The following IGSF10 variants were observed in gnomAD, a reference collection of about 807,000 sequenced individuals.
IGSF10 encodes the protein calvaria mechanical force protein 608.
A neutral mutation model predicts 128.2 loss-of-function variants in IGSF10; 126 were observed. That is an observed-to-expected ratio of 0.98 (90% CI 0.85 to 1.14). The LOEUF is 1.14. Among genes scored for constraint, IGSF10 ranks in the 50% most tolerant of loss-of-function variants. The probability of loss-of-function intolerance (pLI) is 0.00; values close to 1 mark genes in which losing one functional copy is unlikely to be tolerated. For missense variants in IGSF10, 3,295 were observed against 3,149.8 expected (o/e 1.05, Z -1.10); for synonymous variants, 1,185 against 1,146.2 (o/e 1.03, Z -0.68).
the IGSF10 span, among the ~76,000 whole-genome samples, chr3:151,617,320 C>CTTCTTCTTCTTCTTCT: frequency 0.022 from 1,879 of 83,596 alleles, 219 homozygotes; most frequent in East Asian, 0.05. Flanking sequence ...CTTCTTCTTC[C>CTTCTTCTTCTTCTTCT]CCTCCTCCTC....
At chr3:151,432,921 A>G (rs1719695260), downstream of IGSF10, 1 of 741,708 alleles carries the variant, frequency 1.3e-6, no homozygotes, top group Middle Eastern at 2.9e-4. Context: ...ACATTTTACT[A>G]TATTTTATGC....
At chr3:151,433,180 T>G (rs12635196), downstream of IGSF10, 112,696 of 148,070 alleles carry the variant, frequency 0.76, 40,906 homozygotes, top group Middle Eastern at 0.89. Flanking sequence ...TGACGTTGTT[T>G]TTTTTTTTTT....
chr3:151,457,136 A>G lies in IGSF10; in HGVS notation c.214T>C (p.Leu72=), dbSNP rs746281695. The G allele has an allele frequency of 6.2e-6, 10 of 1,614,052 alleles. No homozygotes were observed. Among genetic ancestry groups the G allele is most frequent in the Non-Finnish European group, 6.8e-6 (8 of 1,180,006 alleles). ...INLGYNSLVR[L]METDFSGLTK... ...AGGCCAGAAAAATCTGTTTCCATCA[A>G]TCTAACCAAGCTGTTGTATCTGAAA... Residue 72 remains leucine, a synonymous_variant, in exon 4 of 8, where the codon TTG becomes CTG. Coordinates refer to ENST00000282466, the MANE Select transcript of IGSF10 (RefSeq NM_178822.5).
At chr3:151,466,741 G>T in the IGSF10 span, among the ~76,000 whole-genome samples, 12 of 152,136 alleles carry the variant, frequency 7.9e-5, no homozygotes, top group African/African-American at 2.9e-4. Context: ...ACCATGCCCA[G>T]CTAATTTTTG....
the IGSF10 span, among the ~76,000 whole-genome samples, chr3:151,520,912 G>GC: frequency 6.6e-6 from 1 of 150,910 alleles, no homozygotes; most frequent in Non-Finnish European, 1.5e-5. Flanking sequence ...ATGGCTAAAT[G>GC]CCCCACTTAA....
the IGSF10 span, among the ~76,000 whole-genome samples, chr3:151,605,627 T>G: frequency 6.6e-6 from 1 of 152,200 alleles, no homozygotes; most frequent in Non-Finnish European, 1.5e-5. Context: ...CTTAAGTCAT[T>G]TTCCTTATTT....
rs1300890870 is a variant in IGSF10, at chr3:151,443,534, A to G, written c.5413T>C (p.Leu1805=). 1.9e-6 allele frequency: 3 copies of G among 1,614,218 alleles called. No individual in the cohort carries two copies. Among genetic ancestry groups the G allele is most frequent in the East Asian group, 2.2e-5 (1 of 44,886 alleles). The part of the protein sequence containing the change: ...RQAVVTVDGT[L]VLHNLSIYDR... Reference sequence around the variant, plus strand: ...TAAATACTGAGATTGTGGAGGACCAATGTTCCGTCAACCGTCACCACAGCC... The same window carrying G: ...TAAATACTGAGATTGTGGAGGACCAGTGTTCCGTCAACCGTCACCACAGCC... Residue 1805 remains leucine, a synonymous_variant, in exon 7 of 8, where the codon TTG becomes CTG. Transcript: ENST00000282466.
chr3:151,540,801 C>A, the IGSF10 span, among the ~76,000 whole-genome samples: 2 of 152,244 alleles, frequency 1.3e-5, no homozygotes, highest in African/African-American at 2.4e-5. Context: ...TAGTCCCCCA[C>A]GAAAATGCAC....
the IGSF10 span, among the ~76,000 whole-genome samples, chr3:151,483,366 A>G: frequency 0.017 from 2,565 of 152,310 alleles, 36 homozygotes; most frequent in Middle Eastern, 0.044. Flanking sequence ...AAAATTGCAG[A>G]TTGTAAGTAT....
At chr3:151,570,676 C>T in the IGSF10 span, among the ~76,000 whole-genome samples, 1 of 152,150 alleles carries the variant, frequency 6.6e-6, no homozygotes, top group South Asian at 2.1e-4. Context: ...TTCTCCCATT[C>T]TGTATGTTGC....
Position 151,438,270 on chromosome 3 carries a change from G to A in IGSF10, c.6291C>T (p.Thr2097=). ...DDSGHRTRRY[T]LFNNGTLYFN... ...AGTATAAAGTTCCATTGTTGAAAAGGGTATATCTCCTAGTCCTGTGGCCAC... is the reference window on the plus strand; with the variant it reads ...AGTATAAAGTTCCATTGTTGAAAAGAGTATATCTCCTAGTCCTGTGGCCAC... Residue 2097 remains threonine (T), a synonymous_variant, in exon 8 of 8, where the codon ACC becomes ACT. Coordinates refer to ENST00000282466, the MANE Select transcript of IGSF10 (RefSeq NM_178822.5). 6.2e-7 allele frequency: 1 copy of A among 1,614,100 alleles called. No individual in the cohort carries two copies. Among genetic ancestry groups the A allele is most frequent in the East Asian group, 2.2e-5 (1 of 44,878 alleles).
chr3:151,446,611 GTGT>G lies in IGSF10; in HGVS notation c.3367_3369del (p.Thr1123del), dbSNP rs1721206666. ...TCAGTCCTGAAATATTTTATTGTGG[GTGT>G]TGTTTTCTCTACACTGGGTTTGTTC... is the stretch of plus-strand genomic sequence containing the variant. On this transcript the variant is annotated inframe_deletion, in exon 6 of 8. Coordinates refer to ENST00000282466, the MANE Select transcript of IGSF10 (RefSeq NM_178822.5). The G allele has an allele frequency of 6.2e-7, 1 of 1,614,124 alleles. No individual in the cohort carries two copies. Among genetic ancestry groups the G allele is most frequent in the Non-Finnish European group, 8.5e-7 (1 of 1,180,030 alleles).
At chr3:151,467,990 C>T in the IGSF10 span, among the ~76,000 whole-genome samples, 1 of 152,150 alleles carries the variant, frequency 6.6e-6, no homozygotes, top group African/African-American at 2.4e-5. Context: ...GTCTGTCATA[C>T]AATCTTGTAA....
At chr3:151,553,632 T>TC in the IGSF10 span, among the ~76,000 whole-genome samples, 7 of 134,860 alleles carry the variant, frequency 5.2e-5, no homozygotes, top group Middle Eastern at 4.2e-3. Context: ...CTCTCTCTCT[T>TC]TCTATATATA....
the IGSF10 span, among the ~76,000 whole-genome samples, chr3:151,510,902 G>C: frequency 7.2e-5 from 11 of 152,106 alleles, no homozygotes; most frequent in Non-Finnish European, 4.4e-5. Flanking sequence ...AGCATGAAGA[G>C]AAGTTTAGAG....
intron 4 of IGSF10, among the ~76,000 whole-genome samples, chr3:151,455,644 A>T (rs940568727): frequency 1.3e-5 from 2 of 152,200 alleles, no homozygotes; most frequent in African/African-American, 4.8e-5. Context: ...AGCATGTATC[A>T]GCCCTTCATT....
intron 5 of IGSF10, among the ~76,000 whole-genome samples, chr3:151,450,303 A>G (rs902935143): frequency 1.3e-5 from 2 of 152,170 alleles, no homozygotes; most frequent in Non-Finnish European, 2.9e-5. Flanking sequence ...GCTGTTCCAT[A>G]TAGTAGCTCT....
At position 151,448,691 on chromosome 3, in the gene IGSF10, C is replaced by A. The variant is rs1260460541; in HGVS notation, c.1290G>T (p.Met430Ile). ...ADLRADPSWL[M>I]QDQISLQLNR... ...TCAGCTGCAAGGAAATTTGGTCTTG[C>A]ATTAACCAAGAGGGATCTGCTCTGA... The change falls in exon 6 of 8, where the codon ATG becomes ATT. Residue 430 changes from methionine to isoleucine, a missense_variant. Transcript: ENST00000282466. The A allele has an allele frequency of 6.2e-7, 1 of 1,614,006 alleles. No homozygotes were observed. Among genetic ancestry groups the A allele is most frequent in the Non-Finnish European group, 8.5e-7 (1 of 1,180,004 alleles).
chr3:151,453,486 C>A lies in IGSF10; in HGVS notation c.613G>T (p.Val205Phe), dbSNP rs201137165. 185 of 1,613,862 alleles carry A rather than the reference C, an allele frequency of 1.1e-4. 1 individual carries two copies. Among genetic ancestry groups the A allele is most frequent in the Admixed American group, 6.7e-5 (4 of 59,990 alleles). ...CTGTCTAGGTCAGGCATATAGGAGA[C>A]CATCTCTTGAGGGAGGGAGGTCAGG... ...NFLTSLPQEMVSYMPDLDSLY... is the reference protein window; with the variant it reads ...NFLTSLPQEMFSYMPDLDSLY... Residue 205 changes from valine to phenylalanine, a missense_variant, in exon 5 of 8, where the codon GTC (valine) becomes TTC (phenylalanine). Coordinates refer to ENST00000282466, the MANE Select transcript of IGSF10 (RefSeq NM_178822.5).
Sources: allele counts gnomAD v4.1 joint callset (sites outside exome capture counted in the v4.1 genomes callset), GRCh38; gene constraint gnomAD v4.1.1; transcripts MANE v1.5; gene names NCBI Gene and HGNC (gene_info 2026-07-23, HGNC 2026-07-21).